KCNAB2: variants seen among roughly 807,000 people sequenced by gnomAD.
The protein encoded by KCNAB2 is voltage-gated potassium channel subunit beta-2.
KCNAB2 carries 29 observed loss-of-function variants against 63.6 expected under a neutral mutation model. The observed-to-expected ratio is 0.46, with a 90% CI of 0.34 to 0.62. The LOEUF (loss-of-function observed/expected upper bound fraction) is 0.62, where lower values mean the gene tolerates loss of function less well. Ranked by LOEUF, KCNAB2 falls within the 20% of genes least tolerant of loss-of-function variation. KCNAB2 has a pLI of 0.01. For synonymous variants in KCNAB2, 222 were observed against 224.2 expected, an observed-to-expected ratio of 0.99 and a Z score of 0.09; for missense variants, 359 against 563.9, an observed-to-expected ratio of 0.64 and a Z score of 3.68.
chr1:6,051,495 A>G lies in KCNAB2; in HGVS notation c.-26-16A>G. ...GGGGCATTGGCACACTGTCTAACTC[A>G]TCACCGTCTGGACAGTGGCAGCTCC... On this transcript the variant is annotated splice_polypyrimidine_tract_variant and intron_variant, in intron 1 of 15. Coordinates refer to ENST00000378083, the MANE Select transcript of KCNAB2 (RefSeq NM_001199862.2). The G allele has an allele frequency of 6.8e-7, 1 of 1,478,216 alleles. No homozygotes were observed. The highest frequency in any genetic ancestry group is 9.0e-7 in the Non-Finnish European group (1 of 1,111,214). 91.6% of individuals were successfully genotyped at this position (1,478,216 alleles called of 1,614,324 possible). A position where few individuals can be genotyped will look rare whatever the true frequency, so the allele number is the denominator to read the frequency against.
intron 1 of KCNAB2, among the ~76,000 whole-genome samples, chr1:6,015,878 T>C (rs1396952431): frequency 6.6e-6 from 1 of 152,116 alleles, no homozygotes; most frequent in East Asian, 1.9e-4. Context: ...CTAATTTTTG[T>C]ATTTTTTTGT....
chr1:6,075,254 C>CTTG (rs144627482), intron 4 of KCNAB2, among the ~76,000 whole-genome samples: 80 of 152,274 alleles, frequency 5.3e-4, no homozygotes, highest in African/African-American at 1.6e-3. Flanking sequence ...CCTGTATGTC[C>CTTG]TTGTGGGAAA....
chr1:6,050,585 C>T (rs1570959202), intron 1 of KCNAB2, among the ~76,000 whole-genome samples: 1 of 152,242 alleles, frequency 6.6e-6, no homozygotes, highest in African/African-American at 2.4e-5. Flanking sequence ...CTCACTCACT[C>T]ACTATGTTGA....
At chr1:6,085,781 C>T in intron 6 of KCNAB2, 2 of 956,082 alleles carry the variant, frequency 2.1e-6, no homozygotes, top group Non-Finnish European at 2.5e-6. Flanking sequence ...TCACTGTTCC[C>T]ATCTGTAAGA....
intron 2 of KCNAB2, among the ~76,000 whole-genome samples, chr1:6,060,431 C>G (rs902466335): frequency 6.6e-6 from 1 of 152,258 alleles, no homozygotes; most frequent in Non-Finnish European, 1.5e-5. Flanking sequence ...TCCCTTTGTT[C>G]TTAGAAACTG....
chr1:6,082,014 A>AC (rs1175726683), intron 4 of KCNAB2, among the ~76,000 whole-genome samples, 181 bp from the exon 5 acceptor site: 2 of 152,202 alleles, frequency 1.3e-5, no homozygotes, highest in Non-Finnish European at 1.5e-5. Flanking sequence ...TGTTACTGAG[A>AC]GCTGCCTCCA....
Position 6,087,617 on chromosome 1 carries a change from GTCC to G in KCNAB2, c.470+111_470+113del, listed in dbSNP as rs1664816289. On this transcript the variant is annotated intron_variant, in intron 7 of 15. Transcript: ENST00000378083. This position sits in a 1 kb window ranked among gnomAD's most constrained non-coding sequence, Gnocchi z 6.4. ...AGGCTCCTGGGGTGGCGGGAGGACA[GTCC>G]TCCTTGAGAAGGGAGAGTGGTCGGG... The G allele has an allele frequency of 8.3e-7, 1 of 1,210,024 alleles. No homozygotes were observed. Among genetic ancestry groups the G allele is most frequent in the Non-Finnish European group, 1.2e-6 (1 of 823,366 alleles). The allele number at this position is 1,210,024 out of a possible 1,614,324, so 75.0% of individuals were successfully genotyped here.
At chr1:6,047,284 G>A (rs1192748735) in intron 1 of KCNAB2, among the ~76,000 whole-genome samples, 1 of 152,182 alleles carries the variant, frequency 6.6e-6, no homozygotes, top group South Asian at 2.1e-4. Flanking sequence ...TCTTACCGGG[G>A]GGCCCTTCGT....
chr1:5,999,008 G>C (rs1315051618), intron 1 of KCNAB2, among the ~76,000 whole-genome samples: 3 of 152,246 alleles, frequency 2.0e-5, no homozygotes, highest in Non-Finnish European at 4.4e-5. Context: ...GGCGGGCGTA[G>C]ACGAAGCCGC....
rs1665949234 is a variant in KCNAB2 at position 6,100,319 on chromosome 1, G to A, written c.*1745G>A. ...CCTCCTCATAGACCAAGTCCCGGGG[G>A]TCTCCACTCAGTCCTGCTGCCTGCT... On this transcript the variant is annotated 3_prime_UTR_variant, in exon 16 of 16. Transcript: ENST00000378083. The A allele has an allele frequency of 1.4e-5, 5 of 355,220 alleles. No homozygotes were observed. In the Middle Eastern group the frequency reaches 2.2e-3, roughly 159 times the overall value. 22.0% of individuals were successfully genotyped at this position (355,220 alleles called of 1,614,324 possible). A position where few individuals can be genotyped will look rare whatever the true frequency, so the allele number is the denominator to read the frequency against.
At chr1:6,034,706 T>C (rs1448445085) in exon 1 of KCNAB2, 2 of 152,398 alleles carry the variant, frequency 1.3e-5, no homozygotes, top group African/African-American at 2.4e-5. Flanking sequence ...CGCCATGGGC[T>C]GTGCTACCTG....
At chr1:6,050,452 A>G (rs1164050174) in intron 1 of KCNAB2, among the ~76,000 whole-genome samples, 1 of 152,026 alleles carries the variant, frequency 6.6e-6, no homozygotes, top group African/African-American at 2.4e-5. Context: ...CAGGGTGAGG[A>G]CTCAGCCCCG....
intron 1 of KCNAB2, 68 bp downstream of exon 1, chr1:6,046,251 T>C (rs1660915394): frequency 1.0e-6 from 1 of 957,842 alleles, no homozygotes; most frequent in African/African-American, 1.8e-5. Flanking sequence ...TCCGCGGGAA[T>C]GAAAAATAAC....
chr1:6,040,395 C>T (rs1005945674), intron 1 of KCNAB2: 2 of 637,544 alleles, frequency 3.1e-6, no homozygotes, highest in Admixed American at 5.0e-5. Flanking sequence ...TGAGGGGCTC[C>T]CCGATGCCCT....
intron 2 of KCNAB2, among the ~76,000 whole-genome samples, chr1:6,060,701 G>A (rs1166720027): frequency 6.6e-6 from 1 of 152,038 alleles, no homozygotes. Flanking sequence ...TCAAGAGATC[G>A]AGACCATCCT....
intron 1 of KCNAB2, among the ~76,000 whole-genome samples, chr1:6,021,385 GTTTCTT>G (rs572155358): frequency 4.6e-5 from 7 of 152,190 alleles, no homozygotes; most frequent in South Asian, 4.1e-4. Context: ...TGATGCAGAA[GTTTCTT>G]TTTCTTTTTC....
At chr1:6,056,600 C>T (rs909326316) in intron 2 of KCNAB2, among the ~76,000 whole-genome samples, 1 of 152,302 alleles carries the variant, frequency 6.6e-6, no homozygotes, top group East Asian at 1.9e-4. Context: ...TTTTCCTCTG[C>T]TCCCCATGGT....
rs1221183262 is a variant in KCNAB2, at chr1:6,069,028, C to A, written c.219-3727C>A. Among the ~76,000 whole-genome samples the A allele has an allele frequency of 1.3e-5, 2 of 152,146 alleles. No individual in the cohort carries two copies. The highest frequency in any genetic ancestry group is 2.9e-5 in the Non-Finnish European group (2 of 68,016). On this transcript the variant is annotated intron_variant, in intron 2 of 15. Transcript: ENST00000378083. This position sits in a 1 kb window ranked among gnomAD's most constrained non-coding sequence, Gnocchi z 5.4. ...CTGACCCCAGGGCCTGGGCTTCTCA[C>A]CCCTGAATTACTACCCAACATCGTC...
In KCNAB2 at chr1:6,038,870, C is replaced by T. The variant is rs562588656; in HGVS notation, c.-52-1647C>T. Among the ~76,000 whole-genome samples the T allele has an allele frequency of 6.6e-4, 101 of 152,304 alleles. 1 individual carries two copies. Among genetic ancestry groups the T allele is most frequent in the African/African-American group, 2.3e-3 (97 of 41,584 alleles). On this transcript the variant is annotated intron_variant, in intron 1 of 15. Coordinates refer to the KCNAB2 transcript ENST00000164247. ...AACTTCATGGGTTGCTGTGGATGGG[C>T]GGGGCTGTTTTGAGCCCAGACCATC... is the stretch of plus-strand genomic sequence containing the variant.
Sources: gnomAD v4.1 joint callset for allele counts (sites outside exome capture counted in the v4.1 genomes callset) on GRCh38, gnomAD v4.1.1 for gene constraint, Gnocchi (gnomAD v3.1) non-coding constraint, MANE v1.5 for transcripts, NCBI Gene and HGNC (gene_info 2026-07-23, HGNC 2026-07-21) for gene names.